The following NNT variants were observed in gnomAD, a reference collection of about 807,000 sequenced individuals.
The protein encoded by NNT is nicotinamide nucleotide transhydrogenase, also known as NAD(P) transhydrogenase, mitochondrial.
NNT carries 50 observed loss-of-function variants against 104.8 expected under a neutral mutation model. The observed-to-expected ratio is 0.48, with a 90% CI of 0.38 to 0.60. The LOEUF (loss-of-function observed/expected upper bound fraction) is 0.60. Ranked by LOEUF, NNT falls within the 20% of genes least tolerant of loss-of-function variation. The pLI, the probability that NNT is intolerant of heterozygous loss-of-function variation, is 0.00. For synonymous variants in NNT, 461 were observed against 490.4 expected (o/e 0.94, Z 0.79); for missense variants, 1,131 against 1,330.7 (o/e 0.85, Z 2.33).
chr5:43,660,400 C>G (rs2111972878), intron 17 of NNT, among the ~76,000 whole-genome samples: 1 of 152,156 alleles, frequency 6.6e-6, no homozygotes, highest in South Asian at 2.1e-4. Flanking sequence ...AGAAGATGTT[C>G]TGCAAATATT....
At position 43,686,618 on chromosome 5, in the gene NNT, G is replaced by T. The variant is rs369936491; in HGVS notation, c.2876+8812G>T. ...ACATTAAATCAACATTTGTTTTAAT[G>T]TGAAAATGTATGCTTCTTTGTATTA... On this transcript the variant is annotated intron_variant, in intron 19 of 21. Transcript: ENST00000344920. 3.0e-4 allele frequency among the ~76,000 whole-genome samples: 45 copies of T among 152,168 alleles called. 1 individual carries two copies. Among genetic ancestry groups the T allele is most frequent in the African/African-American group, 1.1e-3 (45 of 41,536 alleles).
At chr5:43,665,219 T>TTTATTA (rs781536048) in intron 17 of NNT, among the ~76,000 whole-genome samples, 2 of 116,836 alleles carry the variant, frequency 1.7e-5, no homozygotes, top group African/African-American at 7.9e-5. Context: ...TATTTATTTA[T>TTTATTA]TTATTATTAT....
intron 7 of NNT, among the ~76,000 whole-genome samples, chr5:43,633,481 A>G (rs1381137722): frequency 2.0e-5 from 3 of 152,204 alleles, no homozygotes; most frequent in Non-Finnish European, 4.4e-5. Context: ...TACTCAACTC[A>G]ATTACTACAT....
At chr5:43,697,713 T>C in intron 19 of NNT, among the ~76,000 whole-genome samples, 1 of 152,128 alleles carries the variant, frequency 6.6e-6, no homozygotes, top group Non-Finnish European at 1.5e-5. Flanking sequence ...TCACATCTTA[T>C]GTGGATGGTG....
Position 43,702,629 on chromosome 5 carries a change from T to C in NNT, c.3004T>C (p.Leu1002=). 1 of 1,605,892 alleles carries C rather than the reference T, an allele frequency of 6.2e-7. No homozygotes were observed. The highest frequency in any genetic ancestry group is 8.5e-7 in the Non-Finnish European group (1 of 1,174,936). The change falls in exon 21 of 22, where the codon TTG becomes CTG. Residue 1002 remains leucine, a synonymous_variant. Coordinates refer to ENST00000344920, the MANE Select transcript of NNT (RefSeq NM_182977.3). Reference sequence around the variant, plus strand: ...TTTGTTTTATTATATAGATACTGATTTGGTCCTTGTAATTGGAGCTAATGA... The same window carrying C: ...TTTGTTTTATTATATAGATACTGATCTGGTCCTTGTAATTGGAGCTAATGA... ...EINHDFPDTD[L]VLVIGANDTV... is the part of the protein sequence containing the mutation.
chr5:43,622,816 C>T (rs879541870), intron 5 of NNT, among the ~76,000 whole-genome samples: 1 of 150,198 alleles, frequency 6.7e-6, no homozygotes, highest in Non-Finnish European at 1.5e-5. Flanking sequence ...AAGTAAATTT[C>T]GATAGTAAGA....
intron 7 of NNT, among the ~76,000 whole-genome samples, chr5:43,635,108 A>T (rs570639177): frequency 3.9e-5 from 6 of 152,106 alleles, no homozygotes; most frequent in Admixed American, 6.6e-5. Context: ...CATTTTCCTT[A>T]TAGTTTCTTG....
Position 43,616,061 on chromosome 5 carries a change from G to A in NNT, c.595G>A (p.Ala199Thr). 6.2e-7 allele frequency: 1 copy of A among 1,612,956 alleles called. No homozygotes were observed. Among genetic ancestry groups the A allele is most frequent in the Non-Finnish European group, 8.5e-7 (1 of 1,179,534 alleles). The part of the protein sequence containing the change: ...YDALSSMANI[A>T]GYKAVVLAAN... ...TGCGCTAAGCTCCATGGCCAACATTGCGGGGTAGGTTCTTTTCCATTTCAA... is the reference window on the plus strand; with the variant it reads ...TGCGCTAAGCTCCATGGCCAACATTACGGGGTAGGTTCTTTTCCATTTCAA... Residue 199 changes from alanine (A) to threonine (T), a missense_variant, in exon 4 of 22, where the codon GCG becomes ACG. By Grantham distance (58) the Ala-to-Thr change is moderately conservative. Transcript: ENST00000344920.
intron 12 of NNT, 147 bp from the exon 13 acceptor site, chr5:43,651,592 G>T: frequency 1.2e-6 from 1 of 839,672 alleles, no homozygotes; most frequent in Non-Finnish European, 1.8e-6. Context: ...AAAAAAATTT[G>T]AGGTTGCAAA....
At position 43,704,393 on chromosome 5, in the gene NNT, T is replaced by G. The variant is rs552658161; in HGVS notation, c.3250T>G (p.Tyr1084Asp). 2.5e-6 allele frequency: 4 copies of G among 1,613,652 alleles called. No individual in the cohort carries two copies. In the South Asian group the frequency reaches 4.4e-5, roughly 18 times the overall value. ...DALQAKVRESYQK is the reference protein window; with the variant it reads ...DALQAKVRESDQK ...GCTCCAGGCGAAAGTTAGAGAATCCTATCAGAAGTAAATATTAAGGATCAA... is the reference window on the plus strand; with the variant it reads ...GCTCCAGGCGAAAGTTAGAGAATCCGATCAGAAGTAAATATTAAGGATCAA... The change falls in exon 22 of 22, where the codon TAT (tyrosine) becomes GAT (aspartate). Residue 1084 changes from tyrosine to aspartate, a missense_variant. Transcript: ENST00000344920.
In NNT at chr5:43,647,988, C is replaced by T. The variant is rs1361415783; in HGVS notation, c.1445-1159C>T. 7 of 664,974 alleles carry T rather than the reference C, an allele frequency of 1.1e-5. No individual in the cohort carries two copies. In the East Asian group the frequency reaches 4.6e-4, roughly 44 times the overall value. The allele number at this position is 664,974 out of a possible 1,614,324, so 41.2% of individuals were successfully genotyped here. A position where few individuals can be genotyped will look rare whatever the true frequency, so the allele number is the denominator to read the frequency against. ...ACTGAAGCACAGAGAGGTTAAGTAACTTGCCTGAGATGACACAGCTAGGGA... is the reference window on the plus strand; with the variant it reads ...ACTGAAGCACAGAGAGGTTAAGTAATTTGCCTGAGATGACACAGCTAGGGA... On this transcript the variant is annotated intron_variant, in intron 10 of 21. Transcript: ENST00000344920.
In NNT at chr5:43,706,208, ATAT is replaced by A. The variant is rs1743090269; in HGVS notation, c.*1806_*1808del. On this transcript the variant is annotated 3_prime_UTR_variant, in exon 22 of 22. Coordinates refer to ENST00000344920, the MANE Select transcript of NNT (RefSeq NM_182977.3). ...ATTTTATTTTACTTTATTGGTTAGG[ATAT>A]TTAAAGGATTTTTGTATATATAATT... 1 of 151,538 alleles carries A rather than the reference ATAT, an allele frequency of 6.6e-6. No homozygotes were observed. Among genetic ancestry groups the A allele is most frequent in the Non-Finnish European group, 1.5e-5 (1 of 67,812 alleles). 9.4% of individuals were successfully genotyped at this position (151,538 alleles called of 1,614,324 possible). A position where few individuals can be genotyped will look rare whatever the true frequency, so the allele number is the denominator to read the frequency against.
intron 17 of NNT, among the ~76,000 whole-genome samples, chr5:43,672,338 C>G (rs1039234133): frequency 6.6e-6 from 1 of 152,200 alleles, no homozygotes; most frequent in African/African-American, 2.4e-5. Flanking sequence ...GAGCTGCGTT[C>G]CTTTGGAGGG....
intron 6 of NNT, among the ~76,000 whole-genome samples, chr5:43,626,577 T>C (rs1000957175): frequency 6.6e-6 from 1 of 152,108 alleles, no homozygotes; most frequent in African/African-American, 2.4e-5. Flanking sequence ...TGGGCAAAGA[T>C]ATAACTACAA....
At chr5:43,696,349 C>G (rs190472084) in intron 19 of NNT, among the ~76,000 whole-genome samples, 242 of 152,332 alleles carry the variant, frequency 1.6e-3, no homozygotes, top group African/African-American at 5.5e-3. Flanking sequence ...CCAGGTCATG[C>G]TGATACAAGA....
In NNT at chr5:43,661,567, C is replaced by G. The variant is rs868413040; in HGVS notation, c.2634+2217C>G. Among the ~76,000 whole-genome samples the G allele has an allele frequency of 7.7e-4, 90 of 117,058 alleles. 3 individuals carry two copies. In the South Asian group the frequency reaches 0.026, roughly 34 times the overall value. The allele number at this position is 117,058 out of a possible 152,430, so 76.8% of individuals were successfully genotyped here. Reference sequence around the variant, plus strand: ...CAATGCTATCCCTCCCCCCTCCCCCCACCCCACCACAGTCCCCAGAGTGTG... The same window carrying G: ...CAATGCTATCCCTCCCCCCTCCCCCGACCCCACCACAGTCCCCAGAGTGTG... On this transcript the variant is annotated intron_variant, in intron 17 of 21. Coordinates refer to ENST00000344920, the MANE Select transcript of NNT (RefSeq NM_182977.3).
At chr5:43,606,551 G>C (rs897179769) in intron 1 of NNT, among the ~76,000 whole-genome samples, 1 of 152,218 alleles carries the variant, frequency 6.6e-6, no homozygotes, top group African/African-American at 2.4e-5. Context: ...ATGTAAAGCT[G>C]TCTGTCCAAA....
chr5:43,705,873 G>A lies in NNT; in HGVS notation c.*1469G>A, dbSNP rs576649903. On this transcript the variant is annotated 3_prime_UTR_variant, in exon 22 of 22. Coordinates refer to ENST00000344920, the MANE Select transcript of NNT (RefSeq NM_182977.3). ...TTTGTTAATTGATCTTAGATCACTAGTAAACTCAGGGCTGAATTATACCAT... is the reference window on the plus strand; with the variant it reads ...TTTGTTAATTGATCTTAGATCACTAATAAACTCAGGGCTGAATTATACCAT... 210 of 152,050 alleles carry A rather than the reference G, an allele frequency of 1.4e-3. 1 individual carries two copies. Among genetic ancestry groups the A allele is most frequent in the African/African-American group, 4.9e-3 (202 of 41,500 alleles). The allele number at this position is 152,050 out of a possible 1,614,324, so 9.4% of individuals were successfully genotyped here. A position where few individuals can be genotyped will look rare whatever the true frequency, so the allele number is the denominator to read the frequency against.
chr5:43,691,213 A>G (rs1303562335), intron 19 of NNT, among the ~76,000 whole-genome samples: 4 of 151,694 alleles, frequency 2.6e-5, no homozygotes, highest in Non-Finnish European at 2.9e-5. Context: ...GATTCTCCCA[A>G]CTCTGCCTCC....
Sources: allele counts gnomAD v4.1 joint callset (sites outside exome capture counted in the v4.1 genomes callset), GRCh38; gene constraint gnomAD v4.1.1; transcripts MANE v1.5; gene names NCBI Gene and HGNC (gene_info 2026-07-23, HGNC 2026-07-21).